KCNMB2: variants seen among roughly 807,000 people sequenced by gnomAD.
The protein encoded by KCNMB2 is calcium-activated potassium channel subunit beta-2.
Under a neutral mutation model 24.5 loss-of-function variants are expected in KCNMB2, and 9 were observed. The ratio of observed to expected loss-of-function variants is 0.37; its 90% CI spans 0.22 to 0.64. KCNMB2 has a LOEUF of 0.64. Among genes scored for constraint, KCNMB2 ranks in the 30% least tolerant of loss-of-function variants. KCNMB2 has a pLI of 0.63. For missense variants in KCNMB2, 226 were observed against 284.3 expected (o/e 0.79, Z 1.47); for synonymous variants, 109 against 104.4 (o/e 1.04, Z -0.27).
chr3:178,734,332 T>C (rs1723249020), intron 1 of KCNMB2, among the ~76,000 whole-genome samples: 1 of 152,224 alleles, frequency 6.6e-6, no homozygotes, highest in Non-Finnish European at 1.5e-5. Flanking sequence ...TTGGAGCATT[T>C]CGGATGTTGG....
chr3:178,683,601 A>G (rs1721352054), intron 1 of KCNMB2, among the ~76,000 whole-genome samples: 1 of 152,218 alleles, frequency 6.6e-6, no homozygotes, highest in Non-Finnish European at 1.5e-5. Context: ...TTATACTTAT[A>G]GCACATCTCA....
chr3:178,591,223 A>G, intron 1 of KCNMB2, among the ~76,000 whole-genome samples: 1 of 152,180 alleles, frequency 6.6e-6, no homozygotes, highest in Middle Eastern at 3.2e-3. Context: ...GTACATAATC[A>G]ATACTCAATG....
In KCNMB2 at chr3:178,723,248, C is replaced by A. The variant is rs77100281; in HGVS notation, c.-67-84095C>A. The stretch of plus-strand genomic sequence containing the variant: ...AAAATATAGAATCAGATTGTGATAT[C>A]TTTAAAATATCCTGCTGGAATTTTG... On this transcript the variant is annotated intron_variant, in intron 1 of 4. Transcript: ENST00000452583. Among the ~76,000 whole-genome samples the A allele has an allele frequency of 6.5e-4, 99 of 152,218 alleles. 1 individual carries two copies. In the East Asian group the frequency reaches 0.013, roughly 20 times the overall value.
At chr3:178,674,427 C>T (rs536598056) in intron 1 of KCNMB2, among the ~76,000 whole-genome samples, 1 of 152,304 alleles carries the variant, frequency 6.6e-6, no homozygotes, top group African/African-American at 2.4e-5. Flanking sequence ...TTAATGGTAA[C>T]TTAGTTGCTC....
intron 4 of KCNMB2, among the ~76,000 whole-genome samples, chr3:178,842,282 G>A (rs1715454247): frequency 6.6e-6 from 1 of 152,250 alleles, no homozygotes; most frequent in East Asian, 1.9e-4. Flanking sequence ...AAAGAAGTAT[G>A]TTCAATAGAA....
At chr3:178,539,018 G>T (rs1235873152) in intron 1 of KCNMB2, among the ~76,000 whole-genome samples, 1 of 152,070 alleles carries the variant, frequency 6.6e-6, no homozygotes, top group East Asian at 1.9e-4. Context: ...CACAGCTTTA[G>T]TCAGTCTTGT....
At chr3:178,662,995 G>T (rs1372854709) in intron 1 of KCNMB2, among the ~76,000 whole-genome samples, 1 of 151,990 alleles carries the variant, frequency 6.6e-6, no homozygotes, top group Non-Finnish European at 1.5e-5. Flanking sequence ...AATTCTTTTG[G>T]TCAGCAATTT....
At chr3:178,684,398 G>A (rs1164662633) in intron 1 of KCNMB2, among the ~76,000 whole-genome samples, 2 of 151,944 alleles carry the variant, frequency 1.3e-5, no homozygotes, top group African/African-American at 4.8e-5. Flanking sequence ...ACATATGCAG[G>A]ATGAACAAGT....
intron 1 of KCNMB2, among the ~76,000 whole-genome samples, chr3:178,730,717 G>A (rs1419922772): frequency 6.6e-6 from 1 of 152,026 alleles, no homozygotes; most frequent in Admixed American, 6.6e-5. Flanking sequence ...AGCCACAATG[G>A]CCTTCATTCT....
At chr3:178,670,901 T>C (rs1577085941) in intron 1 of KCNMB2, among the ~76,000 whole-genome samples, 1 of 152,160 alleles carries the variant, frequency 6.6e-6, no homozygotes, top group Non-Finnish European at 1.5e-5. Flanking sequence ...GTTTTTCTGA[T>C]ACCTAGAGGC....
At chr3:178,609,326 G>C (rs1718392685) in intron 1 of KCNMB2, among the ~76,000 whole-genome samples, 1 of 151,664 alleles carries the variant, frequency 6.6e-6, no homozygotes. Context: ...CCCATTTTTT[G>C]ATAAGTTTAT....
At chr3:178,608,434 G>C (rs1222916362) in intron 1 of KCNMB2, among the ~76,000 whole-genome samples, 2 of 151,940 alleles carry the variant, frequency 1.3e-5, no homozygotes, top group East Asian at 3.8e-4. Context: ...TATTTATTGA[G>C]TACATGAGAT....
intron 1 of KCNMB2, among the ~76,000 whole-genome samples, chr3:178,691,768 T>C (rs796231136): frequency 2.6e-5 from 4 of 152,338 alleles, no homozygotes; most frequent in African/African-American, 9.6e-5. Context: ...TTTGGGGATA[T>C]ACCTAGTAAT....
intron 1 of KCNMB2, among the ~76,000 whole-genome samples, chr3:178,595,059 C>CAAAAAAAAAAAAAAAA (rs57471892): frequency 8.1e-6 from 1 of 123,734 alleles, no homozygotes. Context: ...ACAGTATTTG[C>CAAAAAAAAAAAAAAAA]AAAAAAAAAA....
intron 1 of KCNMB2, chr3:178,537,457 T>C (rs2108443403): frequency 6.6e-6 from 1 of 152,338 alleles, no homozygotes; most frequent in South Asian, 2.1e-4. Context: ...CTTTCTGTTT[T>C]GTTTTGTTTT....
chr3:178,652,663 A>T (rs1239114662), intron 1 of KCNMB2, among the ~76,000 whole-genome samples: 1 of 102,342 alleles, frequency 9.8e-6, no homozygotes, highest in Non-Finnish European at 1.9e-5. Context: ...TTCTCTATAT[A>T]CTTTTTTTTT....
chr3:178,787,278 T>G (rs1400418506), intron 1 of KCNMB2, among the ~76,000 whole-genome samples: 2 of 152,334 alleles, frequency 1.3e-5, no homozygotes, highest in African/African-American at 2.4e-5. Context: ...TGCAGACATT[T>G]TTCACACATT....
chr3:178,547,218 A>T (rs1407181515), intron 1 of KCNMB2, among the ~76,000 whole-genome samples: 2 of 152,032 alleles, frequency 1.3e-5, no homozygotes, highest in Non-Finnish European at 2.9e-5. Context: ...TCCGCTTTCC[A>T]CCATTGGCCC....
chr3:178,780,308 T>C (rs1393652817), intron 1 of KCNMB2, among the ~76,000 whole-genome samples: 2 of 152,226 alleles, frequency 1.3e-5, no homozygotes. Context: ...AAGGAATCTT[T>C]ATTCCTTATA....
Sources: allele counts gnomAD v4.1 joint callset (sites outside exome capture counted in the v4.1 genomes callset), GRCh38; gene constraint gnomAD v4.1.1; transcripts MANE v1.5; gene names NCBI Gene and HGNC (gene_info 2026-07-23, HGNC 2026-07-21).